Variants in CD96 observed in about 807,000 individuals in gnomAD.
CD96 encodes T-cell surface protein tactile.
Under a neutral mutation model 71.3 loss-of-function variants are expected in CD96, and 70 were observed. That is an observed-to-expected ratio of 0.98 (90% CI 0.81 to 1.20). The LOEUF (loss-of-function observed/expected upper bound fraction) is 1.20, where lower values mean the gene tolerates loss of function less well. Among genes scored for constraint, CD96 ranks in the 50% most tolerant of loss-of-function variants. The probability of loss-of-function intolerance (pLI) is 0.00; values close to 1 mark genes in which losing one functional copy is unlikely to be tolerated. For missense variants in CD96, 742 were observed against 677.5 expected, an observed-to-expected ratio of 1.10 and a Z score of -1.06; for synonymous variants, 248 against 233.0, an observed-to-expected ratio of 1.06 and a Z score of -0.59.
intron 3 of CD96, among the ~76,000 whole-genome samples, chr3:111,573,509 A>G (rs1015826560): frequency 5.3e-5 from 8 of 152,260 alleles, no homozygotes; most frequent in African/African-American, 1.4e-4. Flanking sequence ...AAAGACAGAC[A>G]TATACTACAC....
chr3:111,600,227 G>A (rs537356829), intron 6 of CD96, among the ~76,000 whole-genome samples: 322 of 152,244 alleles, frequency 2.1e-3, no homozygotes, highest in South Asian at 4.2e-3. Context: ...ACACTTCCTC[G>A]CTCAGATCAG....
At chr3:111,618,692 C>G (rs1938370700) in intron 8 of CD96, among the ~76,000 whole-genome samples, 1 of 149,580 alleles carries the variant, frequency 6.7e-6, no homozygotes, top group Non-Finnish European at 1.5e-5. Flanking sequence ...TCACGCCATT[C>G]TCCTGCCTCA....
chr3:111,663,499 G>A (rs965792711), intron 14 of CD96, among the ~76,000 whole-genome samples: 1 of 151,674 alleles, frequency 6.6e-6, no homozygotes, highest in Non-Finnish European at 1.5e-5. Context: ...GAATTTAAAG[G>A]GAAGTTAAAC....
chr3:111,617,199 A>G (rs1182308066), intron 8 of CD96, among the ~76,000 whole-genome samples: 4 of 152,190 alleles, frequency 2.6e-5, no homozygotes, highest in African/African-American at 4.8e-5. Context: ...AGCCTGGGCT[A>G]TGGAAGGCAT....
intron 14 of CD96, among the ~76,000 whole-genome samples, chr3:111,661,553 G>A (rs897189929): frequency 6.6e-6 from 1 of 152,234 alleles, no homozygotes; most frequent in Non-Finnish European, 1.5e-5. Context: ...GGGTACAGAT[G>A]TTGGGTAAAT....
intron 8 of CD96, among the ~76,000 whole-genome samples, chr3:111,621,995 T>C (rs1325336188): frequency 6.6e-6 from 1 of 152,204 alleles, no homozygotes; most frequent in Admixed American, 6.5e-5. Flanking sequence ...AGCTAGAAGT[T>C]ACAATTACCG....
chr3:111,631,586 A>G (rs938031859), intron 10 of CD96, among the ~76,000 whole-genome samples: 6 of 152,182 alleles, frequency 3.9e-5, no homozygotes, highest in South Asian at 4.1e-4. Context: ...TATAGATTCA[A>G]TGCTATTTCC....
At chr3:111,545,834 T>C (rs1477843030) in intron 2 of CD96, among the ~76,000 whole-genome samples, 3 of 152,016 alleles carry the variant, frequency 2.0e-5, no homozygotes, top group African/African-American at 7.3e-5. Flanking sequence ...GGGACAGCAA[T>C]ACAGCAATTA....
intron 8 of CD96, among the ~76,000 whole-genome samples, chr3:111,622,932 G>T (rs983109434): frequency 2.6e-5 from 4 of 152,138 alleles, no homozygotes; most frequent in African/African-American, 9.7e-5. Context: ...TAAGACATCA[G>T]GAAATGCACT....
intron 3 of CD96, among the ~76,000 whole-genome samples, chr3:111,571,579 G>A (rs115528921): frequency 1.3e-4 from 20 of 152,066 alleles, no homozygotes; most frequent in Non-Finnish European, 2.2e-4. Context: ...CACAGTGAGA[G>A]GGTGAATCTT....
At chr3:111,601,539 T>A (rs1304493557) in intron 7 of CD96, among the ~76,000 whole-genome samples, 3 of 152,174 alleles carry the variant, frequency 2.0e-5, no homozygotes, top group African/African-American at 7.2e-5. Context: ...ATAATGGAGA[T>A]TTTACTACAT....
intron 14 of CD96, among the ~76,000 whole-genome samples, chr3:111,661,774 T>C (rs2107818998): frequency 6.6e-6 from 1 of 152,374 alleles, no homozygotes; most frequent in East Asian, 1.9e-4. Context: ...TCCTCTTGGC[T>C]GCTTTCACAG....
chr3:111,600,804 G>A lies in CD96; in HGVS notation c.977G>A (p.Ser326Asn), dbSNP rs563251828. Residue 326 changes from serine to asparagine, a missense_variant, in exon 7 of 14, where the codon AGT becomes AAT. Coordinates refer to ENST00000352690, the MANE Select transcript of CD96 (RefSeq NM_005816.5). The stretch of plus-strand genomic sequence containing the variant: ...AAGTCTGTTTTAACAAGGGTACATA[G>A]TAATAAACCAGCCCAATCAGACAAC... ...ELKSVLTRVH[S>N]NKPAQSDNLT... 2.5e-5 allele frequency: 41 copies of A among 1,613,218 alleles called. No individual in the cohort carries two copies. Among genetic ancestry groups the A allele is most frequent in the South Asian group, 2.1e-4 (19 of 91,056 alleles).
At chr3:111,568,431 C>T (rs764348604) in intron 3 of CD96, among the ~76,000 whole-genome samples, 1 of 152,200 alleles carries the variant, frequency 6.6e-6, no homozygotes, top group Non-Finnish European at 1.5e-5. Context: ...TGAGGATTCA[C>T]TTTGGCAGTT....
At chr3:111,643,099 C>T (rs1408214857) in intron 12 of CD96, among the ~76,000 whole-genome samples, 1 of 145,226 alleles carries the variant, frequency 6.9e-6, no homozygotes, top group Non-Finnish European at 1.5e-5. Context: ...AACTAGCTAA[C>T]CAAATTCAAC....
chr3:111,566,850 G>T (rs781107919), intron 2 of CD96, among the ~76,000 whole-genome samples: 4 of 152,084 alleles, frequency 2.6e-5, no homozygotes, highest in Non-Finnish European at 5.9e-5. Flanking sequence ...ACTGTAAAAA[G>T]AACAGAATTT....
At chr3:111,653,593 G>A (rs1178756936), downstream of CD96, among the ~76,000 whole-genome samples, 3 of 152,160 alleles carry the variant, frequency 2.0e-5, no homozygotes, top group East Asian at 5.8e-4. Context: ...TACAAAATGA[G>A]TTAAGGGTTC....
chr3:111,543,910 T>G (rs116689936), intron 1 of CD96, among the ~76,000 whole-genome samples: 217 of 152,324 alleles, frequency 1.4e-3, no homozygotes, highest in Admixed American at 3.8e-3. Context: ...TTTTCCCACC[T>G]CAAACGACAT....
intron 2 of CD96, among the ~76,000 whole-genome samples, chr3:111,549,890 A>G (rs942768679): frequency 3.3e-5 from 5 of 152,198 alleles, no homozygotes; most frequent in Admixed American, 2.6e-4. Context: ...TGGATATACA[A>G]TTTCAGATCT....
Sources: gnomAD v4.1 joint callset for allele counts (sites outside exome capture counted in the v4.1 genomes callset) on GRCh38, gnomAD v4.1.1 for gene constraint, MANE v1.5 for transcripts, NCBI Gene and HGNC (gene_info 2026-07-23, HGNC 2026-07-21) for gene names.